Variants in ROS1 observed in about 807,000 individuals in gnomAD.
ROS1 encodes ROS proto-oncogene 1, receptor tyrosine kinase, also known as proto-oncogene tyrosine-protein kinase ROS.
In ROS1, 263 loss-of-function variants were observed where a neutral mutation model predicts 273.5. That is an observed-to-expected ratio of 0.96 (90% CI 0.87 to 1.06). ROS1 has a LOEUF of 1.06. ROS1 is among the 50% of genes least tolerant of loss of function. The probability of loss-of-function intolerance (pLI) is 0.00; values close to 1 mark genes in which losing one functional copy is unlikely to be tolerated. For missense variants in ROS1, 2,833 were observed against 2,751.1 expected, an observed-to-expected ratio of 1.03 and a Z score of -0.67; for synonymous variants, 1,008 against 954.1, an observed-to-expected ratio of 1.06 and a Z score of -1.04.
At chr6:117,317,090 A>C (rs1775971640) in intron 39 of ROS1, 53 bp downstream of exon 39, 7 of 1,565,578 alleles carry the variant, frequency 4.5e-6, no homozygotes, top group Non-Finnish European at 6.0e-6. Context: ...ATTAATAGGG[A>C]ATTATAGGGC....
chr6:117,323,225 G>C (rs1241824301), intron 35 of ROS1, among the ~76,000 whole-genome samples: 1 of 152,040 alleles, frequency 6.6e-6, no homozygotes, highest in Non-Finnish European at 1.5e-5. Context: ...TTCACATATT[G>C]TCTGGGTGGA....
chr6:117,291,879 G>A (rs969218374), intron 43 of ROS1, among the ~76,000 whole-genome samples: 6 of 152,128 alleles, frequency 3.9e-5, no homozygotes, highest in Admixed American at 2.0e-4. Context: ...TCAAGGGTCC[G>A]TGGAGACTTC....
chr6:117,421,531 C>G (rs1022595085), intron 1 of ROS1, among the ~76,000 whole-genome samples: 3 of 151,998 alleles, frequency 2.0e-5, no homozygotes, highest in African/African-American at 7.2e-5. Context: ...TATTCCTGGC[C>G]AAATAATGGC....
At chr6:117,295,082 A>C (rs1473876746) in intron 43 of ROS1, among the ~76,000 whole-genome samples, 1 of 152,182 alleles carries the variant, frequency 6.6e-6, no homozygotes, top group Non-Finnish European at 1.5e-5. Context: ...AGTAACCAAA[A>C]CAGCATAGTG....
At chr6:117,409,705 C>T (rs890724850) in intron 4 of ROS1, 63 bp from the exon 5 acceptor site, 14 of 1,317,226 alleles carry the variant, frequency 1.1e-5, no homozygotes, top group South Asian at 2.4e-5. Context: ...TGATAAGCTT[C>T]AACTAAATTT....
chr6:117,363,634 A>G (rs1229771151), intron 21 of ROS1, among the ~76,000 whole-genome samples: 1 of 152,136 alleles, frequency 6.6e-6, no homozygotes, highest in Non-Finnish European at 1.5e-5. Context: ...TTCTCTTCTC[A>G]CATGGGATAC....
intron 32 of ROS1, among the ~76,000 whole-genome samples, chr6:117,332,185 G>A (rs1200551853): frequency 6.6e-6 from 1 of 151,088 alleles, no homozygotes; most frequent in Admixed American, 6.6e-5. Context: ...AAAAAAAGAG[G>A]GTTGCAATCC....
At chr6:117,388,182 CT>C in intron 13 of ROS1, 190 bp from the exon 14 acceptor site, 1 of 844,958 alleles carries the variant, frequency 1.2e-6, no homozygotes, top group Non-Finnish European at 1.8e-6. Context: ...CCTCATGCCG[CT>C]CATTTGGCTG....
At chr6:117,333,238 A>C (rs1416292277) in intron 32 of ROS1, among the ~76,000 whole-genome samples, 1 of 152,210 alleles carries the variant, frequency 6.6e-6, no homozygotes, top group Non-Finnish European at 1.5e-5. Flanking sequence ...CAAATAAACT[A>C]GAAAATCTAG....
chr6:117,301,081 T>G lies in ROS1; in HGVS notation c.6608A>C (p.His2203Pro), dbSNP rs748687432. ...AQEPDQRPTF[H>P]RIQDQLQLFR... is the part of the protein sequence containing the mutation. ...TAACTGAAGTTGGTCCTGAATTCTATGAAAAGTAGGTCTTTGGTCGGGTTC... is the reference window on the plus strand; with the variant it reads ...TAACTGAAGTTGGTCCTGAATTCTAGGAAAAGTAGGTCTTTGGTCGGGTTC... The change falls in exon 43 of 44, where the codon CAT becomes CCT. Residue 2203 changes from histidine to proline, a missense_variant. His to Pro is a moderately conservative substitution (Grantham distance 77, BLOSUM62 -2). Coordinates refer to ENST00000368507, the MANE Select transcript of ROS1 (RefSeq NM_001378902.1). 1.4e-5 allele frequency: 22 copies of G among 1,604,242 alleles called. No homozygotes were observed. Among genetic ancestry groups the G allele is most frequent in the Admixed American group, 6.9e-5 (4 of 58,316 alleles).
intron 33 of ROS1, among the ~76,000 whole-genome samples, chr6:117,327,494 T>A (rs1244426696): frequency 6.6e-6 from 1 of 152,184 alleles, no homozygotes; most frequent in Non-Finnish European, 1.5e-5. Context: ...AAAGAAGAAT[T>A]CTGATGTTGG....
rs149832512 is a variant in ROS1 at position 117,376,199 on chromosome 6, C to T, written c.2582+2860G>A. On this transcript the variant is annotated intron_variant, in intron 18 of 43. Coordinates refer to ENST00000368507, the MANE Select transcript of ROS1 (RefSeq NM_001378902.1). ...ATAGCAGAAGTATAAAAGGATATCACGACAGACCCTATAGACATTAAAATG... is the reference window on the plus strand; with the variant it reads ...ATAGCAGAAGTATAAAAGGATATCATGACAGACCCTATAGACATTAAAATG... Among the ~76,000 whole-genome samples, 152 of 151,952 alleles carry T rather than the reference C, an allele frequency of 1.0e-3. 1 individual carries two copies. The highest frequency in any genetic ancestry group is 3.4e-3 in the African/African-American group (142 of 41,484).
At chr6:117,311,215 G>A in intron 39 of ROS1, 98 bp from the exon 40 acceptor site, 30 of 571,966 alleles carry the variant, frequency 5.2e-5, no homozygotes, top group Non-Finnish European at 7.9e-5. Context: ...ATATGCATAT[G>A]CATGTATGTA....
intron 5 of ROS1, among the ~76,000 whole-genome samples, chr6:117,408,694 C>A (rs1774635790): frequency 6.6e-6 from 1 of 152,156 alleles, no homozygotes; most frequent in East Asian, 1.9e-4. Context: ...TATCATTTGA[C>A]CCAGCCATCC....
intron 1 of ROS1, among the ~76,000 whole-genome samples, chr6:117,424,889 G>C (rs1776025701): frequency 6.6e-6 from 1 of 152,024 alleles, no homozygotes; most frequent in Non-Finnish European, 1.5e-5. Flanking sequence ...TGTCTATAGA[G>C]TACTTGGTTT....
intron 16 of ROS1, among the ~76,000 whole-genome samples, chr6:117,384,250 G>T (rs1720807228): frequency 6.6e-6 from 1 of 151,938 alleles, no homozygotes; most frequent in African/African-American, 2.4e-5. Context: ...GTACCATATT[G>T]CTTTGTCTCT....
Position 117,384,501 on chromosome 6 carries a change from A to T in ROS1, c.2290-993T>A, listed in dbSNP as rs552223149. 3.3e-5 allele frequency among the ~76,000 whole-genome samples: 5 copies of T among 152,346 alleles called. No homozygotes were observed. In the East Asian group the frequency reaches 9.6e-4, roughly 29 times the overall value. On this transcript the variant is annotated intron_variant, in intron 16 of 43. Coordinates refer to ENST00000368507, the MANE Select transcript of ROS1 (RefSeq NM_001378902.1). ...TACTTTGCCTTCTTTCAAGGATTTC[A>T]ACGCATTGGTAGTAGATAAATGATT... is the stretch of plus-strand genomic sequence containing the variant.
intron 16 of ROS1, 63 bp downstream of exon 16, chr6:117,385,620 T>C: frequency 1.4e-6 from 2 of 1,416,842 alleles, no homozygotes; most frequent in Non-Finnish European, 1.9e-6. Flanking sequence ...GAAATTGGTG[T>C]GCAAGTCACT....
intron 5 of ROS1, among the ~76,000 whole-genome samples, chr6:117,405,834 T>G (rs1381900818): frequency 6.6e-6 from 1 of 152,174 alleles, no homozygotes; most frequent in Non-Finnish European, 1.5e-5. Flanking sequence ...AGATATCCCT[T>G]ACCAGCTATG....
Sources: gnomAD v4.1 joint callset for allele counts (sites outside exome capture counted in the v4.1 genomes callset) on GRCh38, gnomAD v4.1.1 for gene constraint, MANE v1.5 for transcripts, NCBI Gene and HGNC (gene_info 2026-07-23, HGNC 2026-07-21) for gene names.